The following CA10 variants were observed in gnomAD, a reference collection of about 807,000 sequenced individuals.
CA10 encodes the protein carbonic anhydrase-related protein 10.
In CA10, 14 loss-of-function variants were observed where a neutral mutation model predicts 44.2. That is an observed-to-expected ratio of 0.32 (90% confidence interval 0.21 to 0.50). CA10 has a LOEUF of 0.50. Ranked by LOEUF, CA10 falls within the 20% of genes least tolerant of loss-of-function variation. CA10 has a pLI of 0.99. For synonymous variants in CA10, 159 were observed against 141.6 expected (o/e 1.12, Z -0.87); for missense variants, 350 against 409.7 (o/e 0.85, Z 1.26).
At chr17:51,917,699 C>T (rs963664986) in intron 3 of CA10, among the ~76,000 whole-genome samples, 1 of 152,182 alleles carries the variant, frequency 6.6e-6, no homozygotes, top group African/African-American at 2.4e-5. Flanking sequence ...AGTGAGAACT[C>T]ACTCACGAGT....
chr17:51,800,625 A>C (rs1461262504), intron 3 of CA10, among the ~76,000 whole-genome samples: 1 of 152,220 alleles, frequency 6.6e-6, no homozygotes, highest in East Asian at 1.9e-4. Context: ...ATTGTAAGAG[A>C]CACCATTATT....
At chr17:51,798,973 G>C (rs1906821014) in intron 3 of CA10, among the ~76,000 whole-genome samples, 1 of 152,202 alleles carries the variant, frequency 6.6e-6, no homozygotes, top group Non-Finnish European at 1.5e-5. Flanking sequence ...AGGGGAGCCA[G>C]TCAAATGCAC....
chr17:51,706,567 C>T (rs886970160), intron 4 of CA10, among the ~76,000 whole-genome samples: 1 of 152,210 alleles, frequency 6.6e-6, no homozygotes, highest in Non-Finnish European at 1.5e-5. Flanking sequence ...GGCCTTTGCC[C>T]CCTATGGTCT....
At position 51,827,755 on chromosome 17, in the gene CA10, C is replaced by T. The variant is rs529682392; in HGVS notation, c.280-79937G>A. ...GGTTGAGGAGGCTCTGTGGCACAGA[C>T]TGGCTAGCTCTTTACCAAGCCTGGT... On this transcript the variant is annotated intron_variant, in intron 3 of 8. Transcript: ENST00000451037. 1.1e-3 allele frequency among the ~76,000 whole-genome samples: 162 copies of T among 152,306 alleles called. 4 individuals are homozygous for T. The South Asian group carries it at 0.033, about 31-fold the overall frequency.
At position 51,930,988 on chromosome 17, in the gene CA10, A is replaced by G. The variant is rs1190152074; in HGVS notation, c.279+2T>C. On this transcript the variant is annotated splice_donor_variant, in intron 3 of 8. Transcript: ENST00000451037. LOFTEE classifies it high-confidence loss of function. ...TACCATGGAAGCAATATGGTGGCTT[A>G]CCTTCCTGCCCCCCGTGTTGATGCG... is the stretch of plus-strand genomic sequence containing the variant. The G allele has an allele frequency of 1.2e-6, 2 of 1,612,964 alleles. No homozygotes were observed. The highest frequency in any genetic ancestry group is 1.7e-5 in the Admixed American group (1 of 59,890).
intron 4 of CA10, among the ~76,000 whole-genome samples, chr17:51,731,243 G>A (rs948901238): frequency 2.0e-5 from 3 of 152,202 alleles, no homozygotes; most frequent in African/African-American, 7.2e-5. Flanking sequence ...TGGGCATGGT[G>A]GCATGTGCCT....
intron 3 of CA10, among the ~76,000 whole-genome samples, chr17:51,851,640 T>C (rs1978799886): frequency 6.6e-6 from 1 of 152,218 alleles, no homozygotes. Flanking sequence ...CTGAACAGAT[T>C]TGAAGCTTCT....
intron 2 of CA10, among the ~76,000 whole-genome samples, chr17:52,004,511 T>G (rs117218232): frequency 0.014 from 2,085 of 152,080 alleles, 23 homozygotes; most frequent in Non-Finnish European, 0.02. Flanking sequence ...GACACATGTA[T>G]GTATTTTCTT....
intron 3 of CA10, among the ~76,000 whole-genome samples, chr17:51,914,307 C>T (rs1421757558): frequency 2.0e-5 from 3 of 152,094 alleles, no homozygotes; most frequent in Non-Finnish European, 4.4e-5. Flanking sequence ...GCATACATAT[C>T]GTGACCTAGA....
intron 2 of CA10, among the ~76,000 whole-genome samples, chr17:52,040,830 G>A (rs1293483826): frequency 6.6e-6 from 1 of 152,044 alleles, no homozygotes; most frequent in African/African-American, 2.4e-5. Flanking sequence ...ATGTGCAGAT[G>A]GGTCTTTTGA....
At chr17:52,035,971 T>C (rs571991861) in intron 2 of CA10, among the ~76,000 whole-genome samples, 49 of 152,190 alleles carry the variant, frequency 3.2e-4, no homozygotes, top group Non-Finnish European at 6.2e-4. Flanking sequence ...ACACCTTGTC[T>C]AGGGGTTCTC....
intron 3 of CA10, among the ~76,000 whole-genome samples, chr17:51,814,519 C>A (rs1235629698): frequency 6.6e-6 from 1 of 152,262 alleles, no homozygotes; most frequent in Admixed American, 6.5e-5. Context: ...GTAAGTCCTG[C>A]GGTAAGGAAA....
At chr17:52,019,746 G>A (rs905591804) in intron 2 of CA10, among the ~76,000 whole-genome samples, 2 of 151,968 alleles carry the variant, frequency 1.3e-5, no homozygotes, top group Non-Finnish European at 2.9e-5. Flanking sequence ...GTAGGCATAT[G>A]CAAGAAATAT....
intron 2 of CA10, among the ~76,000 whole-genome samples, chr17:51,957,620 A>G (rs1983715320): frequency 6.6e-6 from 1 of 152,128 alleles, no homozygotes. Flanking sequence ...TTGGAGTCCA[A>G]GTCCTGGTTT....
chr17:51,995,206 C>G (rs1985190113), intron 2 of CA10, among the ~76,000 whole-genome samples: 1 of 151,964 alleles, frequency 6.6e-6, no homozygotes, highest in Non-Finnish European at 1.5e-5. Context: ...TTGCTCACAT[C>G]TCAAGTTATA....
intron 7 of CA10, among the ~76,000 whole-genome samples, chr17:51,634,696 T>C (rs922950470): frequency 1.3e-5 from 2 of 152,190 alleles, no homozygotes; most frequent in African/African-American, 4.8e-5. Context: ...AAAAAAACAC[T>C]GCACATTCAA....
At chr17:51,807,413 C>T (rs1196818962) in intron 3 of CA10, among the ~76,000 whole-genome samples, 1 of 152,178 alleles carries the variant, frequency 6.6e-6, no homozygotes, top group Non-Finnish European at 1.5e-5. Flanking sequence ...GAACCAGTGA[C>T]ATGAAATGAT....
chr17:51,709,481 T>C (rs1915864463), intron 4 of CA10, among the ~76,000 whole-genome samples: 1 of 152,186 alleles, frequency 6.6e-6, no homozygotes, highest in African/African-American at 2.4e-5. Flanking sequence ...TTTAAAGTGA[T>C]GACTCACAAC....
intron 3 of CA10, among the ~76,000 whole-genome samples, chr17:51,813,179 G>C (rs1265757769): frequency 6.6e-6 from 1 of 152,204 alleles, no homozygotes; most frequent in Non-Finnish European, 1.5e-5. Flanking sequence ...GAAGGAAGCA[G>C]CTTCCTCTAG....
Sources: allele counts gnomAD v4.1 joint callset (sites outside exome capture counted in the v4.1 genomes callset), GRCh38; gene constraint gnomAD v4.1.1; transcripts MANE v1.5; gene names NCBI Gene and HGNC (gene_info 2026-07-23, HGNC 2026-07-21).